The following NELL1 variants were observed in gnomAD, a reference collection of about 807,000 sequenced individuals.
The protein encoded by NELL1 is protein kinase C-binding protein NELL1.
In NELL1, 76 loss-of-function variants were observed where a neutral mutation model predicts 107.4. The observed-to-expected ratio is 0.71, with a 90% CI of 0.59 to 0.86. The LOEUF (loss-of-function observed/expected upper bound fraction) is 0.86. Ranked by LOEUF, NELL1 falls within the 40% of genes least tolerant of loss-of-function variation. The pLI is 0.00. For synonymous variants in NELL1, 353 were observed against 341.2 expected (o/e 1.03, Z -0.38); for missense variants, 1,024 against 1,005.5 (o/e 1.02, Z -0.25).
intron 4 of NELL1, among the ~76,000 whole-genome samples, chr11:20,859,786 G>A (rs942448708): frequency 1.0e-4 from 12 of 119,916 alleles, no homozygotes; most frequent in African/African-American, 3.1e-4. Flanking sequence ...GAGCCTGCAG[G>A]AACTAATAAG....
intron 15 of NELL1, among the ~76,000 whole-genome samples, chr11:21,500,759 T>A (rs1855118289): frequency 6.6e-6 from 1 of 152,164 alleles, no homozygotes. Flanking sequence ...GTAAAGTTTG[T>A]TTTACAATCT....
At chr11:21,097,984 A>T (rs550402149) in intron 12 of NELL1, among the ~76,000 whole-genome samples, 31 of 152,158 alleles carry the variant, frequency 2.0e-4, no homozygotes, top group African/African-American at 7.0e-4. Flanking sequence ...TCCAAAAAAA[A>T]AAAAAAAGCT....
chr11:21,364,302 T>G (rs188916904), intron 14 of NELL1, among the ~76,000 whole-genome samples: 1 of 148,888 alleles, frequency 6.7e-6, no homozygotes, highest in Non-Finnish European at 1.5e-5. Flanking sequence ...TCCTAGCTAC[T>G]CGGGAGGCCG....
intron 15 of NELL1, among the ~76,000 whole-genome samples, chr11:21,529,176 T>C (rs1224856158): frequency 6.6e-6 from 1 of 152,140 alleles, no homozygotes; most frequent in Non-Finnish European, 1.5e-5. Context: ...CAGAAAAATG[T>C]TGTACTATTT....
chr11:20,986,675 C>G (rs1266732349), intron 12 of NELL1, among the ~76,000 whole-genome samples: 2 of 152,088 alleles, frequency 1.3e-5, no homozygotes, highest in Admixed American at 6.6e-5. Flanking sequence ...TTTCTGAGGT[C>G]AGGAACATGC....
intron 12 of NELL1, among the ~76,000 whole-genome samples, chr11:20,973,448 CT>C (rs1851542417): frequency 6.6e-6 from 1 of 152,134 alleles, no homozygotes; most frequent in South Asian, 2.1e-4. Flanking sequence ...AGGTTAAGAG[CT>C]ATTCAAAGGC....
intron 12 of NELL1, among the ~76,000 whole-genome samples, chr11:21,098,183 G>T (rs1170374409): frequency 1.3e-5 from 2 of 152,154 alleles, no homozygotes; most frequent in Non-Finnish European, 2.9e-5. Context: ...TTCATGCCCT[G>T]TGTCTTTTCT....
In NELL1 at chr11:20,751,524, C is replaced by T. The variant is rs182488380; in HGVS notation, c.185-32156C>T. 1.5e-3 allele frequency among the ~76,000 whole-genome samples: 227 copies of T among 151,974 alleles called. 1 individual carries two copies. The South Asian group carries it at 0.016, about 10-fold the overall frequency. On this transcript the variant is annotated intron_variant, in intron 2 of 19. Transcript: ENST00000357134. The stretch of plus-strand genomic sequence containing the variant: ...TGGGGTCTCACTCTGTTGCCCAGGC[C>T]GGAGTGTGATGGCATGACCATGGCT...
intron 15 of NELL1, among the ~76,000 whole-genome samples, chr11:21,378,298 A>G (rs1471336102): frequency 6.7e-6 from 1 of 149,800 alleles, no homozygotes; most frequent in African/African-American, 2.4e-5. Flanking sequence ...ATAGATAATC[A>G]TGTCTCAGTG....
At chr11:21,232,159 A>AAAAAAATATATATAT (rs1554985116) in intron 14 of NELL1, among the ~76,000 whole-genome samples, 3 of 73,206 alleles carry the variant, frequency 4.1e-5, no homozygotes, top group Non-Finnish European at 8.4e-5. Flanking sequence ...AAAAAAAAAA[A>AAAAAAATATATATAT]ATATATATAT....
intron 14 of NELL1, among the ~76,000 whole-genome samples, chr11:21,273,704 C>T (rs566843011): frequency 6.6e-6 from 1 of 152,216 alleles, no homozygotes; most frequent in Non-Finnish European, 1.5e-5. Flanking sequence ...CAGCTGATCT[C>T]TCGGCAGAAA....
At chr11:21,178,279 G>A (rs920781928) in intron 13 of NELL1, among the ~76,000 whole-genome samples, 4 of 151,706 alleles carry the variant, frequency 2.6e-5, no homozygotes, top group South Asian at 4.1e-4. Flanking sequence ...AATATTTAAT[G>A]AGACTTGATC....
intron 2 of NELL1, among the ~76,000 whole-genome samples, chr11:20,756,041 C>T (rs1254166492): frequency 2.6e-5 from 4 of 151,656 alleles, no homozygotes; most frequent in African/African-American, 4.8e-5. Context: ...TACAGGTGCC[C>T]GCCACCACAC....
intron 3 of NELL1, among the ~76,000 whole-genome samples, chr11:20,843,422 G>A (rs868774042): frequency 4.6e-5 from 7 of 152,018 alleles, no homozygotes; most frequent in Middle Eastern, 6.8e-3. Context: ...TCTAAGAAAT[G>A]TTTTACCTTT....
At chr11:21,042,239 A>T (rs16907306) in intron 12 of NELL1, among the ~76,000 whole-genome samples, 2 of 152,136 alleles carry the variant, frequency 1.3e-5, no homozygotes, top group African/African-American at 4.8e-5. Flanking sequence ...ACAATCCAGA[A>T]TATGCTTAAA....
chr11:21,240,010 G>T (rs935940052), intron 14 of NELL1, among the ~76,000 whole-genome samples: 1 of 152,030 alleles, frequency 6.6e-6, no homozygotes, highest in Admixed American at 6.6e-5. Flanking sequence ...TGGCAAACAT[G>T]AACCAATCTT....
At chr11:21,525,052 T>C (rs936794191) in intron 15 of NELL1, among the ~76,000 whole-genome samples, 9 of 152,212 alleles carry the variant, frequency 5.9e-5, no homozygotes, top group Admixed American at 2.6e-4. Context: ...AGCTTAGAGA[T>C]ATAGATCAGA....
At chr11:20,832,259 A>G (rs1858027353) in intron 3 of NELL1, among the ~76,000 whole-genome samples, 1 of 152,208 alleles carries the variant, frequency 6.6e-6, no homozygotes, top group African/African-American at 2.4e-5. Context: ...ACTCTTCACA[A>G]TGCTCATGTT....
intron 12 of NELL1, among the ~76,000 whole-genome samples, chr11:21,099,214 CACACACACACACACACACAA>C (rs1215644168): frequency 2.8e-5 from 4 of 141,466 alleles, no homozygotes; most frequent in African/African-American, 5.3e-5. Context: ...CACACACACA[CACACACACACACACACACAA>C]ACACACACAC....
Sources: gnomAD v4.1 joint callset for allele counts (sites outside exome capture counted in the v4.1 genomes callset) on GRCh38, gnomAD v4.1.1 for gene constraint, MANE v1.5 for transcripts, NCBI Gene and HGNC (gene_info 2026-07-23, HGNC 2026-07-21) for gene names.